NEK7: variants seen among roughly 807,000 people sequenced by gnomAD.
The protein encoded by NEK7 is NIMA related kinase 7.
NEK7 carries 18 observed loss-of-function variants against 44.6 expected under a neutral mutation model. The ratio of observed to expected loss-of-function variants is 0.40; its 90% CI spans 0.28 to 0.60. The LOEUF is 0.60. Among genes scored for constraint, NEK7 ranks in the 20% least tolerant of loss-of-function variants. The probability of loss-of-function intolerance (pLI) is 0.38; values close to 1 mark genes in which losing one functional copy is unlikely to be tolerated. For synonymous variants in NEK7, 130 were observed against 121.1 expected (o/e 1.07, Z -0.48); for missense variants, 256 against 366.5 (o/e 0.70, Z 2.46).
intron 1 of NEK7, among the ~76,000 whole-genome samples, chr1:198,196,439 G>A (rs1227299018): frequency 6.6e-6 from 1 of 152,188 alleles, no homozygotes; most frequent in Non-Finnish European, 1.5e-5. Context: ...CTGGATTTAA[G>A]TTTAAATCTT....
At chr1:198,224,563 G>A (rs935385214) in intron 1 of NEK7, among the ~76,000 whole-genome samples, 7 of 152,014 alleles carry the variant, frequency 4.6e-5, no homozygotes, top group Non-Finnish European at 2.9e-5. Context: ...ATGCAGAAAC[G>A]TTTTCTATGA....
intron 3 of NEK7, among the ~76,000 whole-genome samples, chr1:198,260,193 G>C (rs931014434): frequency 2.0e-5 from 3 of 152,134 alleles, no homozygotes; most frequent in African/African-American, 7.2e-5. Flanking sequence ...GATGCTCTTG[G>C]AGAAAATTTC....
At chr1:198,240,364 C>T (rs145344578) in intron 2 of NEK7, among the ~76,000 whole-genome samples, 13 of 152,190 alleles carry the variant, frequency 8.5e-5, no homozygotes, top group Admixed American at 2.6e-4. Flanking sequence ...TTGCCTGCTG[C>T]TTTCTTGGAA....
At chr1:198,279,818 G>A (rs913119262) in intron 7 of NEK7, among the ~76,000 whole-genome samples, 3 of 151,934 alleles carry the variant, frequency 2.0e-5, no homozygotes, top group African/African-American at 4.8e-5. Flanking sequence ...GTTGACTAGA[G>A]ATTTTAAGTT....
At chr1:198,317,781 A>G (rs1571627731) in intron 9 of NEK7, among the ~76,000 whole-genome samples, 1 of 151,790 alleles carries the variant, frequency 6.6e-6, no homozygotes, top group Admixed American at 6.6e-5. Context: ...TCTGACAGCT[A>G]GATGACCCAT....
chr1:198,289,781 A>G (rs1654493256), intron 7 of NEK7, among the ~76,000 whole-genome samples: 1 of 152,230 alleles, frequency 6.6e-6, no homozygotes, highest in African/African-American at 2.4e-5. Context: ...ACATGTTAGC[A>G]GAACTTGTTG....
Position 198,278,572 on chromosome 1 carries a change from C to T in NEK7, c.482-382C>T, listed in dbSNP as rs572289571. On this transcript the variant is annotated intron_variant, in intron 6 of 9. Coordinates refer to ENST00000367385, the MANE Select transcript of NEK7 (RefSeq NM_133494.3). ...ATAAATATGTGCCTTATAGTGTTGTCGTGGTTTTATATTTTATGCAAATCT... is the reference window on the plus strand; with the variant it reads ...ATAAATATGTGCCTTATAGTGTTGTTGTGGTTTTATATTTTATGCAAATCT... Among the ~76,000 whole-genome samples the T allele has an allele frequency of 5.3e-5, 8 of 151,640 alleles. No individual in the cohort carries two copies. In the East Asian group the frequency reaches 1.4e-3, roughly 26 times the overall value.
chr1:198,277,885 T>TA (rs1654063645), intron 5 of NEK7, 76 bp from the exon 6 acceptor site: 3 of 774,168 alleles, frequency 3.9e-6, no homozygotes, highest in Non-Finnish European at 2.2e-6. Flanking sequence ...TTTTCTGACT[T>TA]ACGGATTTTT....
chr1:198,161,809 T>C (rs1664114522), intron 1 of NEK7, among the ~76,000 whole-genome samples: 2 of 152,192 alleles, frequency 1.3e-5, no homozygotes, highest in South Asian at 4.2e-4. Flanking sequence ...TGTCAGTCAT[T>C]TGTCTTTACT....
At chr1:198,160,430 C>T (rs1664070224) in intron 1 of NEK7, among the ~76,000 whole-genome samples, 1 of 152,016 alleles carries the variant, frequency 6.6e-6, no homozygotes, top group Non-Finnish European at 1.5e-5. Context: ...TCCTCATTCC[C>T]GGTTTCATTC....
intron 1 of NEK7, among the ~76,000 whole-genome samples, chr1:198,160,750 TA>T (rs1171312948): frequency 3.3e-5 from 5 of 152,226 alleles, no homozygotes; most frequent in Non-Finnish European, 7.3e-5. Context: ...TGTAATCAAA[TA>T]TATGCATTTG....
chr1:198,158,995 T>G (rs1664007426), intron 1 of NEK7, among the ~76,000 whole-genome samples: 1 of 151,994 alleles, frequency 6.6e-6, no homozygotes, highest in Admixed American at 6.5e-5. Flanking sequence ...AAAGGAACCG[T>G]TTGAGGAGGC....
rs531437978 is a variant in NEK7, at chr1:198,197,965, G to A, written c.-28-34588G>A. 1.4e-5 allele frequency: 21 copies of A among 1,539,476 alleles called. No individual in the cohort carries two copies. The African/African-American group carries it at 1.4e-4, about 10-fold the overall frequency. Reference sequence around the variant, plus strand: ...AGGGGCAGGTGGTGGGTATGGAGGAGGGTAGGGACCCGAGGATTGGCATCC... The same window carrying A: ...AGGGGCAGGTGGTGGGTATGGAGGAAGGTAGGGACCCGAGGATTGGCATCC... On this transcript the variant is annotated intron_variant, in intron 1 of 9. Transcript: ENST00000367385.
chr1:198,300,095 T>C (rs1029038044), intron 9 of NEK7, among the ~76,000 whole-genome samples: 2 of 152,192 alleles, frequency 1.3e-5, no homozygotes, highest in African/African-American at 4.8e-5. Flanking sequence ...CTGATTTCTT[T>C]TGATGTTTTG....
chr1:198,254,403 AT>A (rs975309235), intron 3 of NEK7, among the ~76,000 whole-genome samples: 3 of 151,784 alleles, frequency 2.0e-5, no homozygotes, highest in African/African-American at 4.8e-5. Flanking sequence ...TTACTTTTGC[AT>A]TTTTTTAAAC....
At chr1:198,265,595 T>C (rs1653627514) in intron 5 of NEK7, among the ~76,000 whole-genome samples, 1 of 152,092 alleles carries the variant, frequency 6.6e-6, no homozygotes, top group African/African-American at 2.4e-5. Flanking sequence ...CTCTGGTTGG[T>C]CCTAGTTAGA....
intron 8 of NEK7, among the ~76,000 whole-genome samples, chr1:198,295,836 T>C (rs1203581613): frequency 6.6e-6 from 1 of 150,492 alleles, no homozygotes; most frequent in South Asian, 2.1e-4. Context: ...ATTATTATTA[T>C]TATTGTGGTT....
chr1:198,264,272 G>GTTT, intron 5 of NEK7, 37 bp downstream of exon 5: 1 of 1,417,196 alleles, frequency 7.1e-7, no homozygotes, highest in South Asian at 1.3e-5. Context: ...GTTTTGTTTT[G>GTTT]TTTTTTTTTC....
intron 2 of NEK7, among the ~76,000 whole-genome samples, chr1:198,240,807 T>G (rs1352293521): frequency 2.6e-5 from 4 of 152,212 alleles, no homozygotes; most frequent in African/African-American, 9.6e-5. Flanking sequence ...GCGATTCTCC[T>G]GCCTCAGCCT....
Sources: allele counts gnomAD v4.1 joint callset (sites outside exome capture counted in the v4.1 genomes callset), GRCh38; gene constraint gnomAD v4.1.1; transcripts MANE v1.5; gene names NCBI Gene and HGNC (gene_info 2026-07-23, HGNC 2026-07-21).